The following ARB2A variants were observed in gnomAD, a reference collection of about 807,000 sequenced individuals.
The protein encoded by ARB2A is cotranscriptional regulator ARB2A.
At chr5:93,692,867 G>A in the ARB2A span, among the ~76,000 whole-genome samples, 1 of 152,170 alleles carries the variant, frequency 6.6e-6, no homozygotes, top group African/African-American at 2.4e-5. Flanking sequence ...AGACCACAGT[G>A]CAATCAAATT....
the ARB2A span, among the ~76,000 whole-genome samples, chr5:93,910,080 G>C: frequency 1.3e-5 from 2 of 150,516 alleles, no homozygotes; most frequent in Non-Finnish European, 1.5e-5. Flanking sequence ...TTCTATACTA[G>C]CCATATATAT....
the ARB2A span, among the ~76,000 whole-genome samples, chr5:93,675,158 T>C: frequency 1.3e-5 from 2 of 152,116 alleles, no homozygotes; most frequent in African/African-American, 4.8e-5. Flanking sequence ...AATATGAAAA[T>C]GATTATTATT....
chr5:93,738,479 CAAAT>C, the ARB2A span: 1 of 152,124 alleles, frequency 6.6e-6, no homozygotes, highest in African/African-American at 2.4e-5. Flanking sequence ...AACAGATAAA[CAAAT>C]AGATTATTAT....
the ARB2A span, among the ~76,000 whole-genome samples, chr5:93,972,284 A>C: frequency 2.0e-5 from 3 of 152,176 alleles, no homozygotes; most frequent in Non-Finnish European, 2.9e-5. Flanking sequence ...TTGCTAAAAC[A>C]AGCAACATCT....
chr5:94,101,918 T>C, the ARB2A span, among the ~76,000 whole-genome samples: 7 of 151,012 alleles, frequency 4.6e-5, no homozygotes, highest in Admixed American at 6.6e-5. Flanking sequence ...GTAGCAAACC[T>C]ACACACGTAT....
At chr5:93,955,482 A>C in the ARB2A span, among the ~76,000 whole-genome samples, 153 of 152,362 alleles carry the variant, frequency 1.0e-3, no homozygotes, top group Non-Finnish European at 1.6e-3. Flanking sequence ...AATTATGGAA[A>C]TAGCAGATTC....
the ARB2A span, among the ~76,000 whole-genome samples, chr5:93,811,531 G>T: frequency 2.0e-3 from 298 of 152,062 alleles, 2 homozygotes; most frequent in African/African-American, 6.9e-3. Context: ...GTGAAAAACC[G>T]GGACGTTGTC....
At chr5:93,653,574 T>G in the ARB2A span, among the ~76,000 whole-genome samples, 2 of 141,504 alleles carry the variant, frequency 1.4e-5, no homozygotes, top group East Asian at 2.1e-4. Context: ...ATTCTTCTTT[T>G]GCAATATTGA....
chr5:93,877,281 T>TGTCTA, the ARB2A span, among the ~76,000 whole-genome samples: 1 of 152,188 alleles, frequency 6.6e-6, no homozygotes, highest in African/African-American at 2.4e-5. Context: ...CACTTTTGCC[T>TGTCTA]ATACTCTACA....
chr5:93,638,443 C>A, the ARB2A span, among the ~76,000 whole-genome samples: 9 of 152,260 alleles, frequency 5.9e-5, no homozygotes, highest in East Asian at 1.7e-3. Context: ...TGTCTTTTAG[C>A]TTTTTTCTTT....
the ARB2A span, among the ~76,000 whole-genome samples, chr5:94,032,788 G>C: frequency 4.6e-5 from 7 of 152,160 alleles, no homozygotes; most frequent in Admixed American, 1.3e-4. Flanking sequence ...TTTAATACCT[G>C]TCCTGTAGGT....
At chr5:93,640,789 G>A in the ARB2A span, among the ~76,000 whole-genome samples, 1 of 151,846 alleles carries the variant, frequency 6.6e-6, no homozygotes, top group Non-Finnish European at 1.5e-5. Flanking sequence ...TACAGTCTTG[G>A]GGTTTGAGAT....
At chr5:93,726,672 C>T in the ARB2A span, among the ~76,000 whole-genome samples, 1 of 151,828 alleles carries the variant, frequency 6.6e-6, no homozygotes, top group Admixed American at 6.6e-5. Flanking sequence ...AATACTTTTT[C>T]TTTTTTGGTA....
the ARB2A span, among the ~76,000 whole-genome samples, chr5:93,776,977 A>T: frequency 6.6e-6 from 1 of 152,316 alleles, no homozygotes; most frequent in African/African-American, 2.4e-5. Flanking sequence ...GCCAATTTTT[A>T]AACTATATTC....
the ARB2A span, among the ~76,000 whole-genome samples, chr5:94,069,609 AT>A: frequency 6.6e-6 from 1 of 152,208 alleles, no homozygotes; most frequent in Non-Finnish European, 1.5e-5. Flanking sequence ...AAATAATCCC[AT>A]TAAAACGTGG....
At chr5:93,709,562 G>A in the ARB2A span, among the ~76,000 whole-genome samples, 2 of 147,626 alleles carry the variant, frequency 1.4e-5, no homozygotes, top group Non-Finnish European at 3.0e-5. Context: ...GAATCCAGGA[G>A]GCGAAGGTTG....
At chr5:93,897,037 C>A in the ARB2A span, among the ~76,000 whole-genome samples, 2 of 151,928 alleles carry the variant, frequency 1.3e-5, no homozygotes, top group Admixed American at 1.3e-4. Context: ...GTTCCTAATA[C>A]ATAAAGGGAA....
At chr5:93,854,323 T>G in the ARB2A span, among the ~76,000 whole-genome samples, 1 of 152,190 alleles carries the variant, frequency 6.6e-6, no homozygotes, top group Non-Finnish European at 1.5e-5. Context: ...TCATTTTTAT[T>G]GCACCTATTT....
At chr5:93,697,538 A>G in the ARB2A span, among the ~76,000 whole-genome samples, 4 of 152,156 alleles carry the variant, frequency 2.6e-5, no homozygotes, top group African/African-American at 4.8e-5. Flanking sequence ...TACTTCTTAT[A>G]TAATTTTCTT....
Sources: gnomAD v4.1 joint callset for allele counts (sites outside exome capture counted in the v4.1 genomes callset) on GRCh38, gnomAD v4.1.1 for gene constraint, MANE v1.5 for transcripts, NCBI Gene and HGNC (gene_info 2026-07-23, HGNC 2026-07-21) for gene names.